The following ELAPOR2 variants were observed in gnomAD, a reference collection of about 807,000 sequenced individuals.
ELAPOR2 encodes endosome/lysosome-associated apoptosis and autophagy regulator family member 2.
In ELAPOR2, 89 loss-of-function variants were observed where a neutral mutation model predicts 120.7. That is an observed-to-expected ratio of 0.74 (90% confidence interval 0.62 to 0.88). The LOEUF is 0.88. Among genes scored for constraint, ELAPOR2 ranks in the 40% least tolerant of loss-of-function variants. The pLI is 0.00. For synonymous variants in ELAPOR2, 444 were observed against 444.9 expected (o/e 1.00, Z 0.03); for missense variants, 1,134 against 1,251.6 (o/e 0.91, Z 1.42).
chr7:86,942,444 A>G (rs1281653432), intron 4 of ELAPOR2, among the ~76,000 whole-genome samples: 3 of 152,026 alleles, frequency 2.0e-5, no homozygotes, highest in Non-Finnish European at 4.4e-5. Flanking sequence ...AACTTACCCA[A>G]ACTTTTTCAT....
intron 1 of ELAPOR2, among the ~76,000 whole-genome samples, chr7:86,997,316 C>T (rs1583970143): frequency 6.6e-6 from 1 of 151,442 alleles, no homozygotes; most frequent in Admixed American, 6.6e-5. Context: ...CAAAAAGAAG[C>T]CACTATGGTT....
chr7:86,922,614 A>C (rs1446273781), intron 10 of ELAPOR2, among the ~76,000 whole-genome samples: 1 of 151,872 alleles, frequency 6.6e-6, no homozygotes, highest in East Asian at 1.9e-4. Flanking sequence ...CACTTTTATA[A>C]ATACTTCATA....
chr7:86,933,603 G>T (rs762856789), intron 8 of ELAPOR2, among the ~76,000 whole-genome samples: 3 of 151,948 alleles, frequency 2.0e-5, no homozygotes, highest in Non-Finnish European at 4.4e-5. Context: ...GGACAAAAAG[G>T]AAGGCAGCAC....
At chr7:86,992,246 G>A (rs1443247546) in intron 1 of ELAPOR2, among the ~76,000 whole-genome samples, 2 of 152,040 alleles carry the variant, frequency 1.3e-5, no homozygotes, top group East Asian at 3.9e-4. Context: ...CCCCAACCTG[G>A]GCAAAACCCT....
At chr7:87,057,145 C>T (rs1280161648) in intron 1 of ELAPOR2, among the ~76,000 whole-genome samples, 1 of 152,202 alleles carries the variant, frequency 6.6e-6, no homozygotes, top group African/African-American at 2.4e-5. Context: ...TATTCACAGG[C>T]GTTTAGCCCA....
intron 1 of ELAPOR2, among the ~76,000 whole-genome samples, chr7:86,986,787 A>C (rs1402417327): frequency 6.6e-6 from 1 of 151,530 alleles, no homozygotes; most frequent in African/African-American, 2.4e-5. Flanking sequence ...TAATTTATAG[A>C]TTCAATGCCA....
At chr7:86,893,243 AG>A in intron 19 of ELAPOR2, 143 bp from the exon 20 acceptor site, 1 of 568,300 alleles carries the variant, frequency 1.8e-6, no homozygotes, top group East Asian at 3.3e-5. Context: ...GTAGGCATAG[AG>A]GATTATTCAG....
chr7:86,911,151 T>C (rs1789290224), intron 15 of ELAPOR2, among the ~76,000 whole-genome samples: 1 of 152,112 alleles, frequency 6.6e-6, no homozygotes, highest in Non-Finnish European at 1.5e-5. Context: ...TGGTAGACAA[T>C]GGAATTAATC....
At chr7:86,993,245 A>AAAAAAG (rs1218133902) in intron 1 of ELAPOR2, among the ~76,000 whole-genome samples, 2 of 150,346 alleles carry the variant, frequency 1.3e-5, no homozygotes, top group African/African-American at 4.9e-5. Flanking sequence ...AAAAAAAAAA[A>AAAAAAG]AAAAAGAAAA....
At chr7:87,048,885 C>T (rs1430132688) in intron 1 of ELAPOR2, among the ~76,000 whole-genome samples, 1 of 152,176 alleles carries the variant, frequency 6.6e-6, no homozygotes, top group Non-Finnish European at 1.5e-5. Flanking sequence ...AGTTTATGTC[C>T]TTCAATCTAA....
chr7:86,986,833 T>C (rs529427438), intron 1 of ELAPOR2, among the ~76,000 whole-genome samples: 3 of 150,508 alleles, frequency 2.0e-5, no homozygotes, highest in Non-Finnish European at 4.4e-5. Flanking sequence ...CTTCACAGAA[T>C]TGGAAAAAAA....
intron 10 of ELAPOR2, chr7:86,920,693 T>G (rs1486500399): frequency 6.6e-6 from 1 of 152,152 alleles, no homozygotes; most frequent in African/African-American, 2.4e-5. Context: ...CTCCACTTTT[T>G]CCTCTGTCCT....
chr7:87,059,635 G>C lies in ELAPOR2; in HGVS notation c.-122C>G. On this transcript the variant is annotated 5_prime_UTR_variant, in exon 1 of 22. Coordinates refer to ENST00000450689, the MANE Select transcript of ELAPOR2 (RefSeq NM_001142749.3). ...CTCGCCGCTCCGTCACCCGCTGCCC[G>C]TCCGCCCGCTGACAGCTCTGCTGCG... 1 of 1,040,208 alleles carries C rather than the reference G, an allele frequency of 9.6e-7. No individual in the cohort carries two copies. The highest frequency in any genetic ancestry group is 1.2e-6 in the Non-Finnish European group (1 of 854,220). The allele number at this position is 1,040,208 out of a possible 1,614,324, so 64.4% of individuals were successfully genotyped here. A position where few individuals can be genotyped will look rare whatever the true frequency, so the allele number is the denominator to read the frequency against.
At chr7:86,894,780 A>AG (rs1252161344) in intron 19 of ELAPOR2, among the ~76,000 whole-genome samples, 1 of 152,068 alleles carries the variant, frequency 6.6e-6, no homozygotes, top group African/African-American at 2.4e-5. Context: ...GAGCAGGGTA[A>AG]GATAAATTTA....
intron 19 of ELAPOR2, among the ~76,000 whole-genome samples, chr7:86,896,705 T>C (rs1449506628): frequency 6.6e-6 from 1 of 152,180 alleles, no homozygotes; most frequent in African/African-American, 2.4e-5. Context: ...TTTTTTCATA[T>C]GATACTACTC....
chr7:86,891,674 C>A, intron 21 of ELAPOR2, 50 bp downstream of exon 21: 7 of 1,498,500 alleles, frequency 4.7e-6, no homozygotes, highest in South Asian at 1.3e-5. Context: ...GTTAATATGC[C>A]CTCTACTTTA....
intron 1 of ELAPOR2, among the ~76,000 whole-genome samples, chr7:86,993,815 A>G (rs12333882): frequency 0.053 from 8,055 of 152,274 alleles, 378 homozygotes; most frequent in African/African-American, 0.12. Context: ...ACTAACTTCT[A>G]AATGAATCAC....
At chr7:86,947,532 T>C (rs1791057891) in intron 3 of ELAPOR2, among the ~76,000 whole-genome samples, 195 bp downstream of exon 3, 1 of 152,238 alleles carries the variant, frequency 6.6e-6, no homozygotes, top group Non-Finnish European at 1.5e-5. Flanking sequence ...ACAGTGTCTA[T>C]TATATCCTGA....
chr7:87,042,859 A>G lies in ELAPOR2; in HGVS notation c.189+16466T>C, dbSNP rs188673694. Among the ~76,000 whole-genome samples, 1,209 of 152,248 alleles carry G rather than the reference A, an allele frequency of 7.9e-3. 16 individuals carry two copies. Among genetic ancestry groups the G allele is most frequent in the African/African-American group, 0.028 (1,162 of 41,534 alleles). ...AAAGGATCAACAAAATTGAATGACC[A>G]CTAGAAAGACTAATAAAGACAAAAA... On this transcript the variant is annotated intron_variant, in intron 1 of 21. Transcript: ENST00000450689.
Sources: gnomAD v4.1 joint callset for allele counts (sites outside exome capture counted in the v4.1 genomes callset) on GRCh38, gnomAD v4.1.1 for gene constraint, MANE v1.5 for transcripts, NCBI Gene and HGNC (gene_info 2026-07-23, HGNC 2026-07-21) for gene names.